BNIP2: variants seen among roughly 807,000 people sequenced by gnomAD.
BNIP2 encodes the protein BCL2/adenovirus E1B 19 kDa protein-interacting protein 2.
Under a neutral mutation model 43.4 loss-of-function variants are expected in BNIP2, and 36 were observed. That is an observed-to-expected ratio of 0.83 (90% CI 0.64 to 1.10). The LOEUF (loss-of-function observed/expected upper bound fraction) is 1.10. BNIP2 is among the 50% of genes least tolerant of loss of function. The pLI is 0.00. For synonymous variants in BNIP2, 146 were observed against 121.0 expected, an observed-to-expected ratio of 1.21 and a Z score of -1.35; for missense variants, 417 against 374.1, an observed-to-expected ratio of 1.11 and a Z score of -0.95.
At chr15:59,688,946 G>A in intron 1 of BNIP2, 189 bp downstream of exon 1, 2 of 1,447,428 alleles carry the variant, frequency 1.4e-6, no homozygotes, top group Non-Finnish European at 9.0e-7. Flanking sequence ...CAAGGGCGGG[G>A]ACCTAAGCAG....
In BNIP2 at chr15:59,663,932, A is replaced by G. The variant is rs1444053023; in HGVS notation, c.*137T>C. 1 of 676,106 alleles carries G rather than the reference A, an allele frequency of 1.5e-6. No homozygotes were observed. Among genetic ancestry groups the G allele is most frequent in the Non-Finnish European group, 2.4e-6 (1 of 422,752 alleles). The allele number at this position is 676,106 out of a possible 1,614,324, so 41.9% of individuals were successfully genotyped here. A position where few individuals can be genotyped will look rare whatever the true frequency, so the allele number is the denominator to read the frequency against. On this transcript the variant is annotated 3_prime_UTR_variant, in exon 10 of 10. Transcript: ENST00000607373. ...AGTGAACAGTCCCTTGTATAATACA[A>G]AAGTCCATTATGAAAAAGTCAAGTC... is the stretch of plus-strand genomic sequence containing the variant.
intron 2 of BNIP2, among the ~76,000 whole-genome samples, 191 bp downstream of exon 2, chr15:59,682,217 C>A (rs1225532619): frequency 1.3e-5 from 2 of 152,036 alleles, no homozygotes; most frequent in Non-Finnish European, 2.9e-5. Context: ...GTCCCAGCTA[C>A]CTGGGAGGTG....
At chr15:59,688,430 T>C (rs1894156134) in intron 1 of BNIP2, 2 of 288,676 alleles carry the variant, frequency 6.9e-6, no homozygotes, top group Non-Finnish European at 1.3e-5. Context: ...TGCAATCACA[T>C]AGTTTATTCA....
intron 1 of BNIP2, among the ~76,000 whole-genome samples, chr15:59,683,401 T>C (rs374596281): frequency 1.3e-5 from 2 of 152,252 alleles, no homozygotes; most frequent in Non-Finnish European, 2.9e-5. Context: ...TTCAAGTCAA[T>C]AGATGTCTAA....
intron 2 of BNIP2, 133 bp from the exon 3 acceptor site, chr15:59,680,441 G>T: frequency 1.5e-6 from 1 of 648,030 alleles, no homozygotes; most frequent in Non-Finnish European, 2.4e-6. Flanking sequence ...TTGTTTTTGA[G>T]ACAGGGTCTT....
chr15:59,679,549 A>T, intron 4 of BNIP2, 43 bp downstream of exon 4: 1 of 1,558,256 alleles, frequency 6.4e-7, no homozygotes, highest in Non-Finnish European at 8.7e-7. Context: ...AAAATCCCTT[A>T]GTACATTAAT....
At position 59,689,135 on chromosome 15, in the gene BNIP2, C is replaced by T. The variant is rs533117118; in HGVS notation, c.-58G>A. 2 of 1,536,624 alleles carry T rather than the reference C, an allele frequency of 1.3e-6. No homozygotes were observed. The highest frequency in any genetic ancestry group is 2.4e-5 in the East Asian group (1 of 40,838). ...CCGAGTTCTCCCAGGCCGCACTCAC[C>T]CCGGAGGAAGCCTTGGCCCCCTCGT... On this transcript the variant is annotated splice_region_variant and 5_prime_UTR_variant, in exon 1 of 10. Coordinates refer to ENST00000607373, the MANE Select transcript of BNIP2 (RefSeq NM_004330.4).
At chr15:59,680,894 G>C (rs568988107) in intron 2 of BNIP2, among the ~76,000 whole-genome samples, 2 of 152,238 alleles carry the variant, frequency 1.3e-5, no homozygotes, top group Admixed American at 1.3e-4. Context: ...GCTATGCCTG[G>C]CTACACTTTC....
chr15:59,679,818 G>A, intron 3 of BNIP2, 50 bp from the exon 4 acceptor site: 2 of 1,389,266 alleles, frequency 1.4e-6, no homozygotes, highest in Non-Finnish European at 1.9e-6. Context: ...ATGCTTAGAT[G>A]CTAAAGTTGA....
At chr15:59,668,783 C>A in intron 9 of BNIP2, 109 bp downstream of exon 9, 1 of 1,003,692 alleles carries the variant, frequency 1.0e-6, no homozygotes, top group Non-Finnish European at 1.4e-6. Flanking sequence ...CGCGCGCGCG[C>A]GCACAGTTAT....
intron 9 of BNIP2, among the ~76,000 whole-genome samples, chr15:59,667,544 T>A (rs142667716): frequency 6.6e-6 from 1 of 152,346 alleles, no homozygotes; most frequent in East Asian, 1.9e-4. Context: ...AAGTGAAGTG[T>A]TTAACTGTTA....
At chr15:59,688,630 C>T in intron 1 of BNIP2, 1 of 1,370,562 alleles carries the variant, frequency 7.3e-7, no homozygotes, top group Non-Finnish European at 1.0e-6. Context: ...CGGCTTTTGA[C>T]GTACACACTC....
rs777839832 is a variant in BNIP2 at position 59,680,327 on chromosome 15, C to T, written c.51-19G>A. 1 of 1,560,622 alleles carries T rather than the reference C, an allele frequency of 6.4e-7. No homozygotes were observed. Among genetic ancestry groups the T allele is most frequent in the Admixed American group, 1.9e-5 (1 of 52,354 alleles). ...TAAAGGTCTAGAAGACACAGGCATA[C>T]TTTTTAATCCAGAAATTAAGAAAGA... is the stretch of plus-strand genomic sequence containing the variant. On this transcript the variant is annotated intron_variant, in intron 2 of 9. Transcript: ENST00000607373.
At chr15:59,669,633 C>T (rs1003926609) in intron 7 of BNIP2, among the ~76,000 whole-genome samples, 2 of 152,196 alleles carry the variant, frequency 1.3e-5, no homozygotes, top group African/African-American at 4.8e-5. Flanking sequence ...CACTTGTCTT[C>T]AGGACTCTGT....
At chr15:59,664,376 A>G (rs1242059027) in intron 9 of BNIP2, among the ~76,000 whole-genome samples, 1 of 152,050 alleles carries the variant, frequency 6.6e-6, no homozygotes, top group Non-Finnish European at 1.5e-5. Flanking sequence ...AAATGCATAT[A>G]AACTTTTTTT....
intron 5 of BNIP2, chr15:59,677,198 T>A (rs1893359157): frequency 1.9e-6 from 3 of 1,595,870 alleles, no homozygotes; most frequent in African/African-American, 2.7e-5. Context: ...TGGAACCACA[T>A]GGGATATCCC....
chr15:59,670,366 C>T (rs1043297849), intron 7 of BNIP2, among the ~76,000 whole-genome samples: 3 of 152,016 alleles, frequency 2.0e-5, no homozygotes, highest in East Asian at 1.9e-4. Flanking sequence ...GGGAGGTTGC[C>T]GCTACAGTGA....
At chr15:59,675,436 C>A (rs1381252036) in intron 5 of BNIP2, among the ~76,000 whole-genome samples, 3 of 151,482 alleles carry the variant, frequency 2.0e-5, no homozygotes, top group Non-Finnish European at 4.4e-5. Flanking sequence ...TGGTGAAACC[C>A]TTTCTCTACT....
In BNIP2 at chr15:59,673,122, CTT is replaced by C. The variant is rs35137131; in HGVS notation, c.473-385_473-384del. ...ATGATGCTTATGGTTAAAGTGGGTG[CTT>C]TTTTTTTTTTTTTAGATGGAGTCTC... On this transcript the variant is annotated intron_variant, in intron 5 of 9. Coordinates refer to ENST00000607373, the MANE Select transcript of BNIP2 (RefSeq NM_004330.4). Among the ~76,000 whole-genome samples, 188 of 142,502 alleles carry C rather than the reference CTT, an allele frequency of 1.3e-3. 1 individual carries two copies. The highest frequency in any genetic ancestry group is 1.6e-3 in the East Asian group (8 of 4,926). 93.5% of individuals were successfully genotyped at this position (142,502 alleles called of 152,430 possible).
Sources: gnomAD v4.1 joint callset for allele counts (sites outside exome capture counted in the v4.1 genomes callset) on GRCh38, gnomAD v4.1.1 for gene constraint, MANE v1.5 for transcripts, NCBI Gene and HGNC (gene_info 2026-07-23, HGNC 2026-07-21) for gene names.